The following PPP4C variants were observed in gnomAD, a reference collection of about 807,000 sequenced individuals.
PPP4C encodes the protein serine/threonine-protein phosphatase 4 catalytic subunit.
PPP4C carries 10 observed loss-of-function variants against 40.5 expected under a neutral mutation model. The ratio of observed to expected loss-of-function variants is 0.25; its 90% CI spans 0.15 to 0.42. PPP4C has a LOEUF of 0.42. Among genes scored for constraint, PPP4C ranks in the 10% least tolerant of loss-of-function variants. The pLI is 1.00. For synonymous variants in PPP4C, 187 were observed against 163.6 expected (o/e 1.14, Z -1.09); for missense variants, 191 against 416.4 (o/e 0.46, Z 4.71).
intron 2 of PPP4C, among the ~76,000 whole-genome samples, chr16:30,077,506 G>C (rs1051160047): frequency 6.6e-6 from 1 of 152,124 alleles, no homozygotes; most frequent in African/African-American, 2.4e-5. Flanking sequence ...ATTCCAAGCA[G>C]GACGAATGTA....
rs60506248 is a variant in PPP4C at position 30,083,054 on chromosome 16, C to T, written c.303+207C>T. On this transcript the variant is annotated intron_variant, in intron 5 of 8. Transcript: ENST00000279387. The surrounding 1 kb of genome is among the most constrained non-coding windows in gnomAD (Gnocchi z 6.3). ...GCATTCTGGGAGGGGCAGAGGCTCA[C>T]TGTTGCGAATGTGGCAGGTCATTGA... 3.4e-3 allele frequency: 2,038 copies of T among 599,314 alleles called. 50 individuals are homozygous for T. In the East Asian group the frequency reaches 0.045, roughly 13 times the overall value. The allele number at this position is 599,314 out of a possible 1,614,324, so 37.1% of individuals were successfully genotyped here.
intron 1 of PPP4C, 46 bp from the exon 2 acceptor site, chr16:30,076,269 G>A (rs1373330179): frequency 1.8e-6 from 2 of 1,133,778 alleles, no homozygotes; most frequent in African/African-American, 1.5e-5. Context: ...TCCGCTCCGA[G>A]CCCCGGACGG....
chr16:30,082,426 G>A (rs2072527789), intron 3 of PPP4C, 58 bp from the exon 4 acceptor site: 2 of 1,524,420 alleles, frequency 1.3e-6, no homozygotes, highest in African/African-American at 2.7e-5. Flanking sequence ...GTGTTTGGAG[G>A]GTAGTCCCTG....
rs757446297 is a variant in PPP4C, at chr16:30,082,815, G to C, written c.271G>C (p.Val91Leu). The part of the protein sequence containing the change: ...GDFVDRGFYS[V>L]ETFLLLLALK... The stretch of plus-strand genomic sequence containing the variant: ...CTTTGTGGACCGTGGCTTCTATAGC[G>C]TCGAAACGTTCCTCCTGCTGCTGGC... Residue 91 changes from valine (V) to leucine (L), a missense_variant, in exon 5 of 9, where the codon GTC (valine) becomes CTC (leucine). By Grantham distance (32) the Val-to-Leu change is conservative (BLOSUM62 1). This residue lies in a region of PPP4C where 171 missense variants were observed against 352.4 expected (regional missense o/e 0.49). Transcript: ENST00000279387. 1 of 1,613,938 alleles carries C rather than the reference G, an allele frequency of 6.2e-7. No homozygotes were observed. The highest frequency in any genetic ancestry group is 1.3e-5 in the African/African-American group (1 of 74,880).
intron 2 of PPP4C, among the ~76,000 whole-genome samples, chr16:30,076,927 A>G (rs1345943118): frequency 6.6e-6 from 1 of 152,232 alleles, no homozygotes; most frequent in Non-Finnish European, 1.5e-5. Context: ...CTCATTTTAC[A>G]GGTGGGAACT....
At chr16:30,077,711 A>C (rs2072428248) in intron 2 of PPP4C, among the ~76,000 whole-genome samples, 1 of 152,250 alleles carries the variant, frequency 6.6e-6, no homozygotes, top group Non-Finnish European at 1.5e-5. Context: ...GTACTGGCAA[A>C]AAACTTCTAT....
intron 2 of PPP4C, among the ~76,000 whole-genome samples, chr16:30,078,223 A>G (rs1358718060): frequency 6.6e-6 from 1 of 152,206 alleles, no homozygotes; most frequent in Non-Finnish European, 1.5e-5. Flanking sequence ...GCTCCTTGCA[A>G]CAGCCTAAGG....
At position 30,076,529 on chromosome 16, in the gene PPP4C, G is replaced by A. The variant is rs1426971618; in HGVS notation, c.98+54G>A. The A allele has an allele frequency of 3.3e-6, 5 of 1,532,216 alleles. No individual in the cohort carries two copies. In the Admixed American group the frequency reaches 9.6e-5, roughly 29 times the overall value. 94.9% of individuals were successfully genotyped at this position (1,532,216 alleles called of 1,614,324 possible). On this transcript the variant is annotated intron_variant, in intron 2 of 8. Transcript: ENST00000279387. The stretch of plus-strand genomic sequence containing the variant: ...GCCAAGCCGCCGCCCACGGGTTCTG[G>A]CCTGGGGCAAACCCAACTGAGAACT...
intron 2 of PPP4C, among the ~76,000 whole-genome samples, chr16:30,080,426 C>G (rs992475637): frequency 1.3e-5 from 2 of 150,230 alleles, no homozygotes; most frequent in African/African-American, 2.5e-5. Context: ...TAGAAGTAGA[C>G]TGCACTGCAA....
Position 30,085,018 on chromosome 16 carries a change from C to A in PPP4C, c.880C>A (p.Arg294=). The change falls in exon 9 of 9, where the codon CGG becomes AGG. Residue 294 remains arginine (R), a synonymous_variant. Coordinates refer to ENST00000279387, the MANE Select transcript of PPP4C (RefSeq NM_002720.3). ...IIFEAAPQET[R]GIPSKKPVAD... The stretch of plus-strand genomic sequence containing the variant: ...CTTTGAGGCTGCTCCCCAAGAGACA[C>A]GGGGCATCCCCTCCAAGAAGCCCGT... The A allele has an allele frequency of 6.2e-7, 1 of 1,614,164 alleles. No homozygotes were observed. Among genetic ancestry groups the A allele is most frequent in the Non-Finnish European group, 8.5e-7 (1 of 1,180,028 alleles).
chr16:30,084,592 C>T (rs1040521286), intron 7 of PPP4C, 74 bp from the exon 8 acceptor site: 2 of 1,431,308 alleles, frequency 1.4e-6, no homozygotes, highest in African/African-American at 1.4e-5. Context: ...CCAGGCTGCT[C>T]ACCCTCAAGG....
In PPP4C at chr16:30,082,635, A is replaced by G. The variant is rs1441953043; in HGVS notation, c.201+101A>G. 7.9e-6 allele frequency: 12 copies of G among 1,512,436 alleles called. 1 individual carries two copies. In the South Asian group the frequency reaches 1.3e-4, roughly 16 times the overall value. The allele number at this position is 1,512,436 out of a possible 1,614,324, so 93.7% of individuals were successfully genotyped here. On this transcript the variant is annotated intron_variant, in intron 4 of 8. Coordinates refer to ENST00000279387, the MANE Select transcript of PPP4C (RefSeq NM_002720.3). ...TAATTTGGGGCGTGGAGTGGGGGCA[A>G]GGGGCCCCAAGTTAGATGGGTGGTT...
rs1372090966 is a variant in PPP4C at position 30,082,848 on chromosome 16, G to A, written c.303+1G>A. ...GTTCCTCCTGCTGCTGGCACTTAAG[G>A]TGGCAGTCCCCGGCTTCTGCACCCC... On this transcript the variant is annotated splice_donor_variant, in intron 5 of 8. Coordinates refer to ENST00000279387, the MANE Select transcript of PPP4C (RefSeq NM_002720.3). LOFTEE classifies it high-confidence loss of function. 1 of 1,613,744 alleles carries A rather than the reference G, an allele frequency of 6.2e-7. No individual in the cohort carries two copies. Among genetic ancestry groups the A allele is most frequent in the African/African-American group, 1.3e-5 (1 of 74,992 alleles).
At chr16:30,079,555 A>G (rs539630422) in intron 2 of PPP4C, among the ~76,000 whole-genome samples, 2 of 152,276 alleles carry the variant, frequency 1.3e-5, no homozygotes, top group East Asian at 3.9e-4. Flanking sequence ...AAAGGTCACT[A>G]TGAGCAGTTG....
At chr16:30,082,029 T>C (rs2072517808) in intron 3 of PPP4C, among the ~76,000 whole-genome samples, 1 of 149,038 alleles carries the variant, frequency 6.7e-6, no homozygotes, top group South Asian at 2.1e-4. Context: ...CACTCCAGGC[T>C]AGGCGACAGA....
rs936336272 is a variant in PPP4C at position 30,082,672 on chromosome 16, G to A, written c.202-74G>A. 4 of 1,535,616 alleles carry A rather than the reference G, an allele frequency of 2.6e-6. No individual in the cohort carries two copies. The East Asian group carries it at 9.0e-5, about 35-fold the overall frequency. ...TTAGATGGGTGGTTGTGGAAGAAGG[G>A]CCTCCGCTGGACAGAAACAGGTAGG... On this transcript the variant is annotated intron_variant, in intron 4 of 8. Coordinates refer to ENST00000279387, the MANE Select transcript of PPP4C (RefSeq NM_002720.3).
chr16:30,081,330 GCAGAGC>G lies in PPP4C; in HGVS notation c.150+24_150+29del, dbSNP rs756656796. The G allele has an allele frequency of 3.7e-5, 59 of 1,600,050 alleles. No homozygotes were observed. Among genetic ancestry groups the G allele is most frequent in the African/African-American group, 5.4e-5 (4 of 74,594 alleles). On this transcript the variant is annotated intron_variant, in intron 3 of 8. Transcript: ENST00000279387. The stretch of plus-strand genomic sequence containing the variant: ...GTCACAGTGAGTACCTGCTGTCCCT[GCAGAGC>G]CAGGCCTGGTCTTTCAGGCACATGA...
intron 7 of PPP4C, among the ~76,000 whole-genome samples, chr16:30,084,306 C>A (rs2072571533): frequency 6.6e-6 from 1 of 152,222 alleles, no homozygotes; most frequent in South Asian, 2.1e-4. Context: ...CATGCAGACA[C>A]ACACATGCAG....
chr16:30,078,557 TC>T (rs771105347), intron 2 of PPP4C, among the ~76,000 whole-genome samples: 60 of 152,270 alleles, frequency 3.9e-4, no homozygotes, highest in Non-Finnish European at 6.3e-4. Flanking sequence ...CAGGGCCATC[TC>T]TGATACCTGG....
Sources: gnomAD v4.1 joint callset for allele counts (sites outside exome capture counted in the v4.1 genomes callset) on GRCh38, gnomAD v4.1.1 for gene constraint, gnomAD v4.1.1 regional missense constraint, Gnocchi (gnomAD v3.1) non-coding constraint, MANE v1.5 for transcripts, NCBI Gene and HGNC (gene_info 2026-07-23, HGNC 2026-07-21) for gene names.